NCAPD2: variants seen among roughly 807,000 people sequenced by gnomAD.
NCAPD2 encodes the protein condensin complex subunit 1.
Under a neutral mutation model 164.5 loss-of-function variants are expected in NCAPD2, and 100 were observed. The ratio of observed to expected loss-of-function variants is 0.61; its 90% CI spans 0.52 to 0.72. The LOEUF is 0.72. Ranked by LOEUF, NCAPD2 falls within the 30% of genes least tolerant of loss-of-function variation. The pLI is 0.00. For synonymous variants in NCAPD2, 585 were observed against 642.6 expected (o/e 0.91, Z 1.36); for missense variants, 1,560 against 1,749.2 (o/e 0.89, Z 1.93).
Position 6,510,099 on chromosome 12 carries a change from C to T in NCAPD2, c.228C>T (p.Gly76=). ...ILHHFRSIDP[G]LKEDTLQFLI... ...GTCACTTTCGAAGTATAGATCCTGG[C>T]CTCAAAGAAGATACTCTGCAATTCC... Residue 76 remains glycine (G), a synonymous_variant, in exon 4 of 32, where the codon GGC becomes GGT. Transcript: ENST00000315579. The T allele has an allele frequency of 6.2e-7, 1 of 1,613,088 alleles. No homozygotes were observed. The highest frequency in any genetic ancestry group is 8.5e-7 in the Non-Finnish European group (1 of 1,179,036).
Position 6,511,122 on chromosome 12 carries a change from C to A in NCAPD2, c.457C>A (p.Arg153=). The A allele has an allele frequency of 6.2e-7, 1 of 1,613,864 alleles. No individual in the cohort carries two copies. Among genetic ancestry groups the A allele is most frequent in the Non-Finnish European group, 8.5e-7 (1 of 1,179,922 alleles). The change falls in exon 6 of 32, where the codon CGG becomes AGG. Residue 153 remains arginine (R), a synonymous_variant. Coordinates refer to ENST00000315579, the MANE Select transcript of NCAPD2 (RefSeq NM_014865.4). Reference sequence around the variant, plus strand: ...TGATCCTTTTTAGGGTAAGAAAGCTCGGACCAAGGCAGCCCATGGCTTTGA... The same window carrying A: ...TGATCCTTTTTAGGGTAAGAAAGCTAGGACCAAGGCAGCCCATGGCTTTGA... ...LDLGGKGKKA[R]TKAAHGFDWE... is the part of the protein sequence containing the mutation.
At position 6,531,070 on chromosome 12, in the gene NCAPD2, G is replaced by GAGGA; in HGVS notation, c.4118_4120+1dup. On this transcript the variant is annotated frameshift_variant, in exon 31 of 32. Coordinates refer to ENST00000315579, the MANE Select transcript of NCAPD2 (RefSeq NM_014865.4). LOFTEE classifies it high-confidence loss of function. This position sits in a 1 kb window ranked among gnomAD's most constrained non-coding sequence, Gnocchi z 4.1. Reference sequence around the variant, plus strand: ...TGTCTTCTCAAGTGATGAGTCCAGTGAGGAAGGTATGATGCTCCCGCCTGT... The same window carrying GAGGA: ...TGTCTTCTCAAGTGATGAGTCCAGTGAGGAAGGAAGGTATGATGCTCCCGCCTGT... 2 of 1,613,464 alleles carry GAGGA rather than the reference G, an allele frequency of 1.2e-6. No individual in the cohort carries two copies. The highest frequency in any genetic ancestry group is 1.7e-6 in the Non-Finnish European group (2 of 1,180,032).
chr12:6,518,275 T>TTAACTTTCTG (rs1342941430), intron 13 of NCAPD2: 3 of 187,222 alleles, frequency 1.6e-5, no homozygotes, highest in African/African-American at 2.4e-5. Context: ...AATAAGTTGC[T>TTAACTTTCTG]TAACTTTCTG....
At chr12:6,495,368 C>T in intron 2 of NCAPD2, 143 bp downstream of exon 2, 1 of 1,033,656 alleles carries the variant, frequency 9.7e-7, no homozygotes, top group Non-Finnish European at 1.4e-6. Flanking sequence ...CTGTTTTATC[C>T]TAAAATTGCA....
Position 6,504,182 on chromosome 12 carries a change from C to CATATAT in NCAPD2, c.128-5505_128-5500dup, listed in dbSNP as rs1176237960. Among the ~76,000 whole-genome samples the CATATAT allele has an allele frequency of 5.1e-3, 296 of 57,622 alleles. 2 individuals are homozygous for CATATAT. The highest frequency in any genetic ancestry group is 0.019 in the East Asian group (29 of 1,524). The allele number at this position is 57,622 out of a possible 152,430, so 37.8% of individuals were successfully genotyped here. ...CATTCAGTTTTGACATATATATATA[C>CATATAT]ATATATATATATATATATATATATA... On this transcript the variant is annotated intron_variant, in intron 2 of 31. Transcript: ENST00000315579.
Position 6,531,037 on chromosome 12 carries a change from C to T in NCAPD2, c.4081C>T (p.Pro1361Ser), listed in dbSNP as rs1371760448. 1.2e-6 allele frequency: 2 copies of T among 1,614,056 alleles called. No individual in the cohort carries two copies. Among genetic ancestry groups the T allele is most frequent in the South Asian group, 1.1e-5 (1 of 91,074 alleles). ...CCAGCAGCGAGCTTCCAAAAAGAAA[C>T]CCAAAGTTGTCTTCTCAAGTGATGA... ...NTQQRASKKK[P>S]KVVFSSDESS... The change falls in exon 31 of 32, where the codon CCC (proline) becomes TCC (serine). Residue 1361 changes from proline (P) to serine (S), a missense_variant. Pro to Ser is a moderately conservative substitution (Grantham distance 74). Coordinates refer to ENST00000315579, the MANE Select transcript of NCAPD2 (RefSeq NM_014865.4). This position sits in a 1 kb window ranked among gnomAD's most constrained non-coding sequence, Gnocchi z 4.1.
chr12:6,521,436 C>G (rs1403215674), intron 14 of NCAPD2, among the ~76,000 whole-genome samples: 1 of 152,186 alleles, frequency 6.6e-6, no homozygotes, highest in African/African-American at 2.4e-5. Context: ...AATCCTAACA[C>G]TTTGGGAGGC....
At chr12:6,497,393 A>G (rs1288581233) in intron 2 of NCAPD2, among the ~76,000 whole-genome samples, 2 of 151,712 alleles carry the variant, frequency 1.3e-5, no homozygotes, top group African/African-American at 4.9e-5. Context: ...CTATCAACCC[A>G]TCACCTGGGT....
At position 6,521,078 on chromosome 12, in the gene NCAPD2, G is replaced by A. The variant is rs1336071300; in HGVS notation, c.1682G>A (p.Arg561Lys). ...GACCCAGAGGAGTCAGAGGAGACCA[G>A]GCTCTTGAATATCTTAGGACTTATC... ...HIDPEESEET[R>K]LLNILGLIFK... Residue 561 changes from arginine to lysine, a missense_variant, in exon 14 of 32, where the codon AGG becomes AAG. Coordinates refer to ENST00000315579, the MANE Select transcript of NCAPD2 (RefSeq NM_014865.4). 1.2e-6 allele frequency: 2 copies of A among 1,614,144 alleles called. No homozygotes were observed. The highest frequency in any genetic ancestry group is 3.3e-5 in the Admixed American group (2 of 60,014).
rs79160386 is a variant in NCAPD2 at position 6,528,586 on chromosome 12, T to C, written c.3300-93T>C. ...TGACTGCTTCTGGAGTGGCAGAGCA[T>C]GGGATAATTGATTCCTGCTGAGGGC... On this transcript the variant is annotated intron_variant, in intron 25 of 31. Transcript: ENST00000315579. This position sits in a 1 kb window ranked among gnomAD's most constrained non-coding sequence, Gnocchi z 5.1. 0.023 allele frequency: 32,759 copies of C among 1,394,814 alleles called. 458 individuals carry two copies. Among genetic ancestry groups the C allele is most frequent in the Non-Finnish European group, 0.027 (27,535 of 1,014,234 alleles). 86.4% of individuals were successfully genotyped at this position (1,394,814 alleles called of 1,614,324 possible). A position where few individuals can be genotyped will look rare whatever the true frequency, so the allele number is the denominator to read the frequency against.
intron 2 of NCAPD2, among the ~76,000 whole-genome samples, chr12:6,504,919 A>T (rs1438659137): frequency 1.3e-5 from 2 of 152,072 alleles, no homozygotes; most frequent in African/African-American, 4.8e-5. Flanking sequence ...TTGTAATGTC[A>T]TGACTCTTTT....
intron 6 of NCAPD2, among the ~76,000 whole-genome samples, chr12:6,512,272 CAAAAAAAAAAAA>C (rs35978725): frequency 1.1e-5 from 1 of 87,352 alleles, no homozygotes; most frequent in Non-Finnish European, 2.2e-5. Context: ...ACTCCATCTC[CAAAAAAAAAAAA>C]AAAAAAAAAG....
chr12:6,495,292 T>C lies in NCAPD2; in HGVS notation c.127+67T>C, dbSNP rs543264415. 8.7e-5 allele frequency: 137 copies of C among 1,570,748 alleles called. 3 individuals carry two copies. The highest frequency in any genetic ancestry group is 8.1e-4 in the South Asian group (71 of 87,982). ...GACCATCTCACATGGAATTGCTACATTGTCATTTCTGTTCCACTACACCAG... is the reference window on the plus strand; with the variant it reads ...GACCATCTCACATGGAATTGCTACACTGTCATTTCTGTTCCACTACACCAG... On this transcript the variant is annotated intron_variant, in intron 2 of 31. Transcript: ENST00000315579.
chr12:6,502,750 G>T (rs1946049640), intron 2 of NCAPD2, among the ~76,000 whole-genome samples: 1 of 152,076 alleles, frequency 6.6e-6, no homozygotes, highest in African/African-American at 2.4e-5. Flanking sequence ...GAAGTTTGAG[G>T]CTGCAGTAAG....
At chr12:6,524,153 TA>T (rs375212159) in intron 17 of NCAPD2, among the ~76,000 whole-genome samples, 1 of 152,156 alleles carries the variant, frequency 6.6e-6, no homozygotes, top group African/African-American at 2.4e-5. Context: ...TACTGAGGGA[TA>T]CAGAGTAGGA....
Position 6,528,977 on chromosome 12 carries a change from C to A in NCAPD2, c.3510C>A (p.Ile1170=), listed in dbSNP as rs142367483. 9.9e-5 allele frequency: 160 copies of A among 1,613,908 alleles called. 1 individual carries two copies. In the African/African-American group the frequency reaches 1.9e-3, roughly 19 times the overall value. Residue 1170 remains isoleucine, a synonymous_variant, in exon 27 of 32, where the codon ATC becomes ATA. Coordinates refer to ENST00000315579, the MANE Select transcript of NCAPD2 (RefSeq NM_014865.4). The surrounding 1 kb of genome is among the most constrained non-coding windows in gnomAD (Gnocchi z 5.1). ...GNAIYNLLPD[I]ISRLSDPELG... ...CAATCTATAATCTCCTTCCAGATAT[C>A]ATCAGCCGCCTGTCAGACCCCGAGC...
chr12:6,509,013 G>C, intron 2 of NCAPD2, among the ~76,000 whole-genome samples: 1 of 151,658 alleles, frequency 6.6e-6, no homozygotes, highest in East Asian at 1.9e-4. Flanking sequence ...AGAGGAAGGA[G>C]ACCTGACAAC....
intron 2 of NCAPD2, among the ~76,000 whole-genome samples, chr12:6,497,427 A>AT (rs1351059266): frequency 1.3e-5 from 2 of 151,244 alleles, no homozygotes; most frequent in Admixed American, 1.3e-4. Flanking sequence ...TGTATTAGCT[A>AT]TTTTTTTCTT....
chr12:6,516,882 G>GT lies in NCAPD2; in HGVS notation c.1044dup (p.Leu349SerfsTer27), dbSNP rs779788249. 2 of 1,614,198 alleles carry GT rather than the reference G, an allele frequency of 1.2e-6. No homozygotes were observed. The highest frequency in any genetic ancestry group is 2.2e-5 in the South Asian group (2 of 91,090). On this transcript the variant is annotated frameshift_variant, in exon 10 of 32. Coordinates refer to ENST00000315579, the MANE Select transcript of NCAPD2 (RefSeq NM_014865.4). LOFTEE classifies it high-confidence loss of function. Reference sequence around the variant, plus strand: ...AGCCATGGCGGAGATGGTGCTGCAGGTTCTCAGTGGCGATCAACTGGAAGC... The same window carrying GT: ...AGCCATGGCGGAGATGGTGCTGCAGGTTTCTCAGTGGCGATCAACTGGAAGC...
Sources: gnomAD v4.1 joint callset for allele counts (sites outside exome capture counted in the v4.1 genomes callset) on GRCh38, gnomAD v4.1.1 for gene constraint, Gnocchi (gnomAD v3.1) non-coding constraint, MANE v1.5 for transcripts, NCBI Gene and HGNC (gene_info 2026-07-23, HGNC 2026-07-21) for gene names.